Variants in SRGAP1 observed in about 807,000 individuals in gnomAD.
SRGAP1 encodes the protein SLIT-ROBO Rho GTPase activating protein 1.
A neutral mutation model predicts 121.9 loss-of-function variants in SRGAP1; 43 were observed. The ratio of observed to expected loss-of-function variants is 0.35; its 90% CI spans 0.28 to 0.46. The LOEUF is 0.46. SRGAP1 is among the 20% of genes least tolerant of loss of function. SRGAP1 has a pLI of 1.00. For missense variants in SRGAP1, 1,102 were observed against 1,350.9 expected, an observed-to-expected ratio of 0.82 and a Z score of 2.89; for synonymous variants, 447 against 485.4, an observed-to-expected ratio of 0.92 and a Z score of 1.04.
At chr12:63,884,700 G>C (rs1308258607) in intron 1 of SRGAP1, among the ~76,000 whole-genome samples, 1 of 149,590 alleles carries the variant, frequency 6.7e-6, no homozygotes, top group Non-Finnish European at 1.5e-5. Flanking sequence ...CCGCTTCCCA[G>C]TCTCTGGTCA....
chr12:64,123,017 G>A (rs1360573979), intron 18 of SRGAP1, among the ~76,000 whole-genome samples: 2 of 152,230 alleles, frequency 1.3e-5, no homozygotes, highest in Non-Finnish European at 2.9e-5. Context: ...AGCATTGACA[G>A]TGTGTGATTG....
chr12:63,945,342 TGCCA>T, intron 1 of SRGAP1, among the ~76,000 whole-genome samples: 1 of 152,082 alleles, frequency 6.6e-6, no homozygotes, highest in East Asian at 1.9e-4. Context: ...GGTATACACA[TGCCA>T]TAATGGTTTG....
At chr12:63,907,186 CT>C (rs147362752) in intron 1 of SRGAP1, among the ~76,000 whole-genome samples, 7,321 of 152,182 alleles carry the variant, frequency 0.048, 271 homozygotes, top group Middle Eastern at 0.14. Context: ...TTCTCATGTA[CT>C]TATGGCCATT....
intron 6 of SRGAP1, among the ~76,000 whole-genome samples, chr12:64,062,123 A>G (rs771252559): frequency 4.6e-5 from 7 of 152,152 alleles, no homozygotes; most frequent in Non-Finnish European, 1.0e-4. Flanking sequence ...AAGTGACTCT[A>G]CCATTTTACA....
At chr12:63,845,187 A>G (rs1274980911) in intron 1 of SRGAP1, among the ~76,000 whole-genome samples, 1 of 152,208 alleles carries the variant, frequency 6.6e-6, no homozygotes, top group Non-Finnish European at 1.5e-5. Flanking sequence ...TGTGGGAAGC[A>G]GGCAGCAGTG....
intron 1 of SRGAP1, among the ~76,000 whole-genome samples, chr12:63,980,739 G>A (rs1436323134): frequency 5.3e-5 from 8 of 151,846 alleles, no homozygotes; most frequent in Admixed American, 1.3e-4. Flanking sequence ...GATTATAGGC[G>A]CATGCCACCA....
intron 8 of SRGAP1, among the ~76,000 whole-genome samples, chr12:64,078,016 T>G (rs1020527195): frequency 1.3e-5 from 2 of 152,166 alleles, no homozygotes; most frequent in African/African-American, 4.8e-5. Context: ...ATCTCATATA[T>G]CAGGGAAATG....
intron 1 of SRGAP1, among the ~76,000 whole-genome samples, chr12:63,860,581 T>A (rs2136265714): frequency 6.6e-6 from 1 of 152,330 alleles, no homozygotes; most frequent in East Asian, 1.9e-4. Flanking sequence ...TGACATAAAA[T>A]TGTTTACAGC....
intron 1 of SRGAP1, among the ~76,000 whole-genome samples, chr12:63,924,956 A>G (rs2031201744): frequency 6.6e-6 from 1 of 152,186 alleles, no homozygotes; most frequent in Non-Finnish European, 1.5e-5. Flanking sequence ...TGAGATCGCA[A>G]CTTAAGCCAA....
chr12:64,050,203 A>T (rs545291159), intron 6 of SRGAP1, among the ~76,000 whole-genome samples: 6 of 152,148 alleles, frequency 3.9e-5, no homozygotes, highest in Non-Finnish European at 7.4e-5. Context: ...TGCTGTTGGC[A>T]TATAGAAATG....
chr12:64,082,001 CTTTTTT>C, intron 10 of SRGAP1: 1 of 66,124 alleles, frequency 1.5e-5, no homozygotes, highest in African/African-American at 6.5e-5. Flanking sequence ...CATGTAAGGT[CTTTTTT>C]TTTTTTTTTT....
chr12:63,951,250 G>A (rs370275634), intron 1 of SRGAP1, among the ~76,000 whole-genome samples: 41 of 126,302 alleles, frequency 3.2e-4, no homozygotes, highest in African/African-American at 1.1e-3. Flanking sequence ...TGCAACCTCC[G>A]CTTTCCGGGT....
intron 7 of SRGAP1, among the ~76,000 whole-genome samples, chr12:64,063,726 CAAAA>C (rs939095729): frequency 3.3e-5 from 5 of 151,556 alleles, no homozygotes; most frequent in Non-Finnish European, 7.4e-5. Context: ...CAGGAGAAAA[CAAAA>C]AAAGCCAACT....
At chr12:64,044,068 G>A (rs1178502526) in intron 6 of SRGAP1, among the ~76,000 whole-genome samples, 1 of 152,110 alleles carries the variant, frequency 6.6e-6, no homozygotes, top group Non-Finnish European at 1.5e-5. Context: ...AAAATAGAGT[G>A]CACATAAGTG....
intron 21 of SRGAP1, among the ~76,000 whole-genome samples, chr12:64,134,373 ATT>A (rs2136645629): frequency 6.6e-6 from 1 of 150,862 alleles, no homozygotes; most frequent in Non-Finnish European, 1.5e-5. Flanking sequence ...GTGAGCCAAG[ATT>A]GCGCCACTGC....
At chr12:63,951,477 A>G (rs971685186) in intron 1 of SRGAP1, among the ~76,000 whole-genome samples, 1 of 152,104 alleles carries the variant, frequency 6.6e-6, no homozygotes, top group Non-Finnish European at 1.5e-5. Context: ...ATTTAGAACT[A>G]TTTTAACCAC....
chr12:64,070,724 C>G (rs956225730), intron 8 of SRGAP1, among the ~76,000 whole-genome samples: 6 of 152,242 alleles, frequency 3.9e-5, no homozygotes, highest in Middle Eastern at 6.8e-3. Flanking sequence ...CAATAATGAG[C>G]AAGATTTTAG....
chr12:64,115,266 A>G (rs2036498740), intron 17 of SRGAP1, among the ~76,000 whole-genome samples: 1 of 152,130 alleles, frequency 6.6e-6, no homozygotes, highest in Non-Finnish European at 1.5e-5. Flanking sequence ...TTATAATGCT[A>G]TCCATTTTTT....
intron 1 of SRGAP1, among the ~76,000 whole-genome samples, chr12:63,981,780 A>G (rs956566861): frequency 6.6e-6 from 1 of 152,078 alleles, no homozygotes; most frequent in Non-Finnish European, 1.5e-5. Context: ...TTCCCCCAGG[A>G]CTCCCCAGAA....
Sources: allele counts gnomAD v4.1 joint callset (sites outside exome capture counted in the v4.1 genomes callset), GRCh38; gene constraint gnomAD v4.1.1; transcripts MANE v1.5; gene names NCBI Gene and HGNC (gene_info 2026-07-23, HGNC 2026-07-21).